The following ABI2 variants were observed in gnomAD, a reference collection of about 807,000 sequenced individuals.
The protein encoded by ABI2 is abelson interactor 2.
Under a neutral mutation model 59.2 loss-of-function variants are expected in ABI2, and 25 were observed. The observed-to-expected ratio is 0.42, with a 90% confidence interval of 0.31 to 0.59. The LOEUF is 0.59. Among genes scored for constraint, ABI2 ranks in the 20% least tolerant of loss-of-function variants. ABI2 has a pLI of 0.14. For missense variants in ABI2, 545 were observed against 681.8 expected (o/e 0.80, Z 2.23); for synonymous variants, 213 against 235.5 (o/e 0.90, Z 0.87).
chr2:203,333,920 A>AT (rs1012348689), intron 1 of ABI2, among the ~76,000 whole-genome samples: 1 of 148,644 alleles, frequency 6.7e-6, no homozygotes, highest in East Asian at 2.0e-4. Flanking sequence ...CTGTTCATTT[A>AT]TTTTTTCTTT....
At chr2:203,413,522 A>G (rs193290485) in intron 10 of ABI2, among the ~76,000 whole-genome samples, 6 of 152,292 alleles carry the variant, frequency 3.9e-5, no homozygotes, top group Admixed American at 2.6e-4. Flanking sequence ...TGACCACCCT[A>G]TCACAGTTGA....
chr2:203,415,293 T>C (rs958149805), intron 10 of ABI2, among the ~76,000 whole-genome samples: 2 of 152,156 alleles, frequency 1.3e-5, no homozygotes, highest in Non-Finnish European at 2.9e-5. Context: ...TTGATGTGGC[T>C]GCTCCCACCA....
At chr2:203,328,981 T>G in intron 1 of ABI2, 1 of 188,792 alleles carries the variant, frequency 5.3e-6, no homozygotes, top group Non-Finnish European at 1.1e-5. Flanking sequence ...GGAATCCTGC[T>G]CCCCACCTTA....
intron 2 of ABI2, among the ~76,000 whole-genome samples, chr2:203,371,068 A>G (rs556346268): frequency 6.6e-6 from 1 of 152,166 alleles, no homozygotes. Context: ...CTTTGAACTT[A>G]GGTTTTTTCA....
At chr2:203,394,465 C>T (rs1231276401) in intron 5 of ABI2, 6 of 474,522 alleles carry the variant, frequency 1.3e-5, no homozygotes, top group African/African-American at 6.0e-5. Context: ...AATAAATGAA[C>T]AAAATTGCAT....
chr2:203,376,160 T>G, intron 2 of ABI2: 1 of 1,483,882 alleles, frequency 6.7e-7, no homozygotes, highest in Non-Finnish European at 9.0e-7. Context: ...TAGTCCTTCC[T>G]CTATAGATCT....
chr2:203,393,482 A>G (rs2096853353), intron 5 of ABI2, among the ~76,000 whole-genome samples: 1 of 152,212 alleles, frequency 6.6e-6, no homozygotes, highest in South Asian at 2.1e-4. Context: ...TCCTTTTAGT[A>G]TTTTAAATCC....
intron 4 of ABI2, among the ~76,000 whole-genome samples, chr2:203,387,405 T>C (rs917882702): frequency 6.6e-6 from 1 of 152,238 alleles, no homozygotes; most frequent in East Asian, 1.9e-4. Flanking sequence ...TGTAGTGATC[T>C]CCAAAGCCTG....
chr2:203,422,626 A>C (rs1049303062), intron 11 of ABI2, among the ~76,000 whole-genome samples: 1 of 152,218 alleles, frequency 6.6e-6, no homozygotes, highest in Non-Finnish European at 1.5e-5. Context: ...AGGCAGAGGT[A>C]ATCATCATTG....
intron 8 of ABI2, among the ~76,000 whole-genome samples, chr2:203,402,315 A>G (rs916394155): frequency 2.0e-5 from 3 of 152,198 alleles, no homozygotes; most frequent in African/African-American, 7.2e-5. Flanking sequence ...GATTACAGGC[A>G]TGAGTCACTG....
chr2:203,428,995 GAAGTT>G lies in ABI2; in HGVS notation c.*1646_*1650del, dbSNP rs199677417. On this transcript the variant is annotated 3_prime_UTR_variant, in exon 12 of 12. Coordinates refer to ENST00000261018, the MANE Select transcript of ABI2 (RefSeq NM_001375670.1). ...GAAAATTCAGATGGTGTCGGATGCA[GAAGTT>G]AATATTCCACTTAATGTTATCTGAG... 2.6e-5 allele frequency: 4 copies of G among 152,248 alleles called. No individual in the cohort carries two copies. The East Asian group carries it at 5.8e-4, about 22-fold the overall frequency. 9.4% of individuals were successfully genotyped at this position (152,248 alleles called of 1,614,324 possible).
chr2:203,402,771 ATTTAATT>A, intron 9 of ABI2, 37 bp downstream of exon 9: 1 of 1,486,042 alleles, frequency 6.7e-7, no homozygotes, highest in Non-Finnish European at 8.9e-7. Context: ...TATAGAATGT[ATTTAATT>A]AAAAACCTTC....
At chr2:203,370,370 G>A (rs754444614) in intron 2 of ABI2, among the ~76,000 whole-genome samples, 3 of 151,918 alleles carry the variant, frequency 2.0e-5, no homozygotes, top group African/African-American at 4.8e-5. Context: ...TTACAGGCAT[G>A]AGCCACCATG....
At chr2:203,350,503 C>T (rs187541264) in intron 1 of ABI2, among the ~76,000 whole-genome samples, 3 of 151,888 alleles carry the variant, frequency 2.0e-5, no homozygotes, top group African/African-American at 4.8e-5. Context: ...GTAGACACTA[C>T]CACATGTGGT....
At chr2:203,355,179 C>T (rs753773808) in intron 1 of ABI2, 215 of 413,312 alleles carry the variant, frequency 5.2e-4, no homozygotes, top group Non-Finnish European at 9.4e-4. Flanking sequence ...AGTGCATATC[C>T]TCTGGTGCTT....
At chr2:203,373,349 G>A (rs2095436737) in intron 2 of ABI2, among the ~76,000 whole-genome samples, 1 of 152,238 alleles carries the variant, frequency 6.6e-6, no homozygotes, top group African/African-American at 2.4e-5. Context: ...TGTAATCGCA[G>A]GCACTCGGCA....
intron 1 of ABI2, among the ~76,000 whole-genome samples, chr2:203,350,699 G>A (rs950819364): frequency 4.0e-5 from 6 of 151,450 alleles, no homozygotes; most frequent in East Asian, 1.9e-4. Flanking sequence ...GCCACTGTGC[G>A]CAGCTAATTT....
Position 203,430,331 on chromosome 2 carries a change from A to G in ABI2, c.*2979A>G, listed in dbSNP as rs1321071726. On this transcript the variant is annotated 3_prime_UTR_variant, in exon 12 of 12. Coordinates refer to ENST00000261018, the MANE Select transcript of ABI2 (RefSeq NM_001375670.1). Reference sequence around the variant, plus strand: ...CCAAAATCTGACCAATAAAGCAACCATTTTATCAAGATAGAGGGATTCTAA... The same window carrying G: ...CCAAAATCTGACCAATAAAGCAACCGTTTTATCAAGATAGAGGGATTCTAA... 3 of 152,154 alleles carry G rather than the reference A, an allele frequency of 2.0e-5. No homozygotes were observed. The highest frequency in any genetic ancestry group is 2.9e-5 in the Non-Finnish European group (2 of 68,036). 9.4% of individuals were successfully genotyped at this position (152,154 alleles called of 1,614,324 possible).
chr2:203,371,976 A>G (rs1414116528), intron 2 of ABI2, among the ~76,000 whole-genome samples: 1 of 150,492 alleles, frequency 6.6e-6, no homozygotes, highest in Admixed American at 6.6e-5. Flanking sequence ...TTTCTCGCAG[A>G]GGGGGAGTTG....
Sources: gnomAD v4.1 joint callset for allele counts (sites outside exome capture counted in the v4.1 genomes callset) on GRCh38, gnomAD v4.1.1 for gene constraint, MANE v1.5 for transcripts, NCBI Gene and HGNC (gene_info 2026-07-23, HGNC 2026-07-21) for gene names.